The following GCFC2 variants were observed in gnomAD, a reference collection of about 807,000 sequenced individuals.
GCFC2 encodes the protein GC-rich sequence DNA-binding factor 2, also known as intron Large complex component GCFC2.
In GCFC2, 102 loss-of-function variants were observed where a neutral mutation model predicts 99.4. The ratio of observed to expected loss-of-function variants is 1.03; its 90% CI spans 0.87 to 1.21. GCFC2 has a LOEUF of 1.21. GCFC2 is among the 50% of genes most tolerant of loss of function. The pLI, the probability that GCFC2 is intolerant of heterozygous loss-of-function variation, is 0.00. For missense variants in GCFC2, 973 were observed against 920.9 expected, an observed-to-expected ratio of 1.06 and a Z score of -0.73; for synonymous variants, 338 against 316.8, an observed-to-expected ratio of 1.07 and a Z score of -0.71.
intron 14 of GCFC2, among the ~76,000 whole-genome samples, 176 bp downstream of exon 14, chr2:75,671,774 T>C (rs1364416066): frequency 1.3e-5 from 2 of 152,206 alleles, no homozygotes; most frequent in Non-Finnish European, 2.9e-5. Context: ...CATTTGTTTA[T>C]GTACTATGAC....
intron 12 of GCFC2, among the ~76,000 whole-genome samples, chr2:75,676,466 CTT>C (rs111433157): frequency 1.8e-4 from 27 of 147,876 alleles, no homozygotes; most frequent in East Asian, 1.8e-3. Flanking sequence ...GAATATCATA[CTT>C]TTTTTTTTTT....
At chr2:75,706,479 T>C (rs755012651) in intron 2 of GCFC2, 44 bp downstream of exon 2, 38 of 1,254,190 alleles carry the variant, frequency 3.0e-5, no homozygotes, top group Non-Finnish European at 4.6e-6. Context: ...AAAAACACTA[T>C]ATTAAAAATA....
At chr2:75,704,252 A>G (rs1220512721) in intron 2 of GCFC2, among the ~76,000 whole-genome samples, 2 of 152,224 alleles carry the variant, frequency 1.3e-5, no homozygotes, top group East Asian at 3.8e-4. Flanking sequence ...GAGGTAAATT[A>G]TCATCTTCTA....
chr2:75,710,084 T>C (rs1558758496), intron 1 of GCFC2, among the ~76,000 whole-genome samples: 1 of 152,226 alleles, frequency 6.6e-6, no homozygotes, highest in African/African-American at 2.4e-5. Context: ...GTTGTATATA[T>C]TACTATTAGT....
intron 3 of GCFC2, 45 bp from the exon 4 acceptor site, chr2:75,701,332 T>G (rs774506610): frequency 7.8e-6 from 9 of 1,147,140 alleles, no homozygotes. Flanking sequence ...TATTTTTCCA[T>G]TTTAATTGCA....
In GCFC2 at chr2:75,664,352, G is replaced by A; in HGVS notation, c.*314C>T. The A allele has an allele frequency of 5.8e-6, 1 of 172,970 alleles. No homozygotes were observed. Among genetic ancestry groups the A allele is most frequent in the Non-Finnish European group, 1.2e-5 (1 of 82,122 alleles). 10.7% of individuals were successfully genotyped at this position (172,970 alleles called of 1,614,324 possible). A position where few individuals can be genotyped will look rare whatever the true frequency, so the allele number is the denominator to read the frequency against. ...AAGACTTAGTAGCATGCTCACTTAA[G>A]CTAAAACCTTTAGCAAGGTTTCTCC... On this transcript the variant is annotated 3_prime_UTR_variant, in exon 17 of 17. Transcript: ENST00000321027.
At position 75,670,172 on chromosome 2, in the gene GCFC2, G is replaced by A. The variant is rs757513472; in HGVS notation, c.2069C>T (p.Thr690Ile). 5.9e-5 allele frequency: 95 copies of A among 1,608,768 alleles called. 1 individual carries two copies. The South Asian group carries it at 8.6e-4, about 15-fold the overall frequency. The part of the protein sequence containing the change: ...RYLIIALLNA[T>I]PGPDVVKKCN... ...CTTTTTAACCACATCTGGCCCAGGT[G>A]TGGCATTGAGAAGTGCTATAATAAG... Residue 690 changes from threonine to isoleucine, a missense_variant, in exon 15 of 17, where the codon ACA becomes ATA. Physicochemically the swap from Thr to Ile is moderately conservative, Grantham distance 89. Transcript: ENST00000321027.
chr2:75,664,135 T>G lies in GCFC2; in HGVS notation c.*531A>C, dbSNP rs1678726119. ...ATAACTACTGCTGGTAGGGATTCAT[T>G]GGCACTCACTTATGCTTATGTTGGT... On this transcript the variant is annotated 3_prime_UTR_variant, in exon 17 of 17. Coordinates refer to ENST00000321027, the MANE Select transcript of GCFC2 (RefSeq NM_003203.5). The G allele has an allele frequency of 6.6e-6, 1 of 152,234 alleles. No homozygotes were observed. The highest frequency in any genetic ancestry group is 1.5e-5 in the Non-Finnish European group (1 of 68,046). 9.4% of individuals were successfully genotyped at this position (152,234 alleles called of 1,614,324 possible). A position where few individuals can be genotyped will look rare whatever the true frequency, so the allele number is the denominator to read the frequency against.
At chr2:75,701,951 T>A (rs537417690) in intron 3 of GCFC2, 1 of 1,247,844 alleles carries the variant, frequency 8.0e-7, no homozygotes, top group African/African-American at 1.5e-5. Context: ...ACATTTTTTT[T>A]AACCTGTCCA....
chr2:75,692,170 TAA>T, intron 6 of GCFC2, 70 bp from the exon 7 acceptor site: 10 of 450,254 alleles, frequency 2.2e-5, no homozygotes, highest in Non-Finnish European at 2.4e-5. Flanking sequence ...TATATATATA[TAA>T]AAGTAATATT....
intron 6 of GCFC2, 123 bp from the exon 7 acceptor site, chr2:75,692,223 GAA>G (rs1680115142): frequency 3.5e-6 from 1 of 282,388 alleles, no homozygotes; most frequent in African/African-American, 2.2e-5. Flanking sequence ...AATTCTCAAA[GAA>G]ACATTCCCAA....
intron 12 of GCFC2, chr2:75,679,760 G>C: frequency 2.5e-6 from 1 of 398,638 alleles, no homozygotes; most frequent in Non-Finnish European, 4.4e-6. Context: ...AATTTATACC[G>C]GTTCATCTCT....
Position 75,664,568 on chromosome 2 carries a change from T to C in GCFC2, c.*98A>G. 1 of 623,374 alleles carries C rather than the reference T, an allele frequency of 1.6e-6. No individual in the cohort carries two copies. The highest frequency in any genetic ancestry group is 2.8e-6 in the Non-Finnish European group (1 of 351,578). The allele number at this position is 623,374 out of a possible 1,614,324, so 38.6% of individuals were successfully genotyped here. The stretch of plus-strand genomic sequence containing the variant: ...GCTTTTTTTCAAATCCTACCTTCTA[T>C]TACAGGGAATAAAGAAGAGAGAGGC... On this transcript the variant is annotated 3_prime_UTR_variant, in exon 17 of 17. Coordinates refer to ENST00000321027, the MANE Select transcript of GCFC2 (RefSeq NM_003203.5).
Position 75,702,237 on chromosome 2 carries a change from C to A in GCFC2, c.581G>T (p.Arg194Ile). The A allele has an allele frequency of 6.2e-7, 1 of 1,610,604 alleles. No homozygotes were observed. Among genetic ancestry groups the A allele is most frequent in the Non-Finnish European group, 8.5e-7 (1 of 1,176,808 alleles). ...DHEKRIPFTL[R>I]PQTLRQRMAE... ...CATCCTTTGTCTAAGTGTTTGAGGT[C>A]TTAGAGTAAATGGTATTCTCTTTTC... Residue 194 changes from arginine (R) to isoleucine (I), a missense_variant, in exon 3 of 17, where the codon AGA (arginine) becomes ATA (isoleucine). Arg to Ile is a moderately conservative substitution (Grantham distance 97). Coordinates refer to ENST00000321027, the MANE Select transcript of GCFC2 (RefSeq NM_003203.5).
chr2:75,688,657 A>G (rs1219343222), intron 10 of GCFC2, among the ~76,000 whole-genome samples: 1 of 152,118 alleles, frequency 6.6e-6, no homozygotes, highest in African/African-American at 2.4e-5. Flanking sequence ...CCTTCTCAAC[A>G]CAACCCTAAG....
intron 4 of GCFC2, among the ~76,000 whole-genome samples, chr2:75,700,906 A>G (rs576203415): frequency 6.6e-6 from 1 of 152,248 alleles, no homozygotes; most frequent in Non-Finnish European, 1.5e-5. Context: ...CAGTAGAGAC[A>G]TGGAAAAAGC....
chr2:75,667,996 A>T (rs777369709), intron 15 of GCFC2, among the ~76,000 whole-genome samples: 1 of 152,222 alleles, frequency 6.6e-6, no homozygotes, highest in Non-Finnish European at 1.5e-5. Flanking sequence ...CAGATGAATC[A>T]ATTTCCACTA....
At position 75,700,471 on chromosome 2, in the gene GCFC2, G is replaced by A. The variant is rs191383332; in HGVS notation, c.717+719C>T. On this transcript the variant is annotated intron_variant, in intron 4 of 16. Transcript: ENST00000321027. Reference sequence around the variant, plus strand: ...ATGAAATCATTAAGGTGTAGTCGAAGTAGATATACCATTGCGGTGAGATGT... The same window carrying A: ...ATGAAATCATTAAGGTGTAGTCGAAATAGATATACCATTGCGGTGAGATGT... Among the ~76,000 whole-genome samples, 231 of 152,134 alleles carry A rather than the reference G, an allele frequency of 1.5e-3. 2 individuals are homozygous for A. The highest frequency in any genetic ancestry group is 2.7e-3 in the Non-Finnish European group (183 of 68,008).
Position 75,696,546 on chromosome 2 carries a change from T to C in GCFC2, c.718-231A>G, listed in dbSNP as rs1298900241. On this transcript the variant is annotated intron_variant, in intron 4 of 16. Transcript: ENST00000321027. ...TAAAAATTACATTTTTAAAAAAGTT[T>C]AGTTTTGAAGCTAATTTTGGTTATG... is the stretch of plus-strand genomic sequence containing the variant. Among the ~76,000 whole-genome samples the C allele has an allele frequency of 2.0e-5, 3 of 152,334 alleles. No individual in the cohort carries two copies. In the East Asian group the frequency reaches 5.8e-4, roughly 29 times the overall value.
Sources: gnomAD v4.1 joint callset for allele counts (sites outside exome capture counted in the v4.1 genomes callset) on GRCh38, gnomAD v4.1.1 for gene constraint, MANE v1.5 for transcripts, NCBI Gene and HGNC (gene_info 2026-07-23, HGNC 2026-07-21) for gene names.